Variants in PTPRT observed in about 807,000 individuals in gnomAD.
PTPRT encodes the protein protein tyrosine phosphatase receptor type T.
Under a neutral mutation model 176.8 loss-of-function variants are expected in PTPRT, and 56 were observed. That is an observed-to-expected ratio of 0.32 (90% CI 0.26 to 0.40). The LOEUF (loss-of-function observed/expected upper bound fraction) is 0.40. PTPRT is among the 10% of genes least tolerant of loss of function. The pLI, the probability that PTPRT is intolerant of heterozygous loss-of-function variation, is 1.00. For missense variants in PTPRT, 1,540 were observed against 1,908.2 expected (o/e 0.81, Z 3.60); for synonymous variants, 783 against 739.0 (o/e 1.06, Z -0.96).
chr20:43,116,747 T>C (rs183666829), intron 1 of PTPRT, among the ~76,000 whole-genome samples: 1 of 152,302 alleles, frequency 6.6e-6, no homozygotes, highest in African/African-American at 2.4e-5. Context: ...GTACTTCTAA[T>C]GGTAGGGAAT....
At chr20:42,692,148 C>T (rs1163268049) in intron 6 of PTPRT, among the ~76,000 whole-genome samples, 3 of 152,164 alleles carry the variant, frequency 2.0e-5, no homozygotes, top group African/African-American at 7.2e-5. Flanking sequence ...ATCACCTTTA[C>T]ACAAATTATT....
chr20:43,083,321 T>C (rs1330596049), intron 1 of PTPRT, among the ~76,000 whole-genome samples: 3 of 11,428 alleles, frequency 2.6e-4, no homozygotes, highest in Non-Finnish European at 4.6e-4. Context: ...ACTTCAAATG[T>C]ATATATATAT....
chr20:42,383,837 C>T (rs1362289232), intron 9 of PTPRT, among the ~76,000 whole-genome samples: 9 of 152,120 alleles, frequency 5.9e-5, no homozygotes, highest in East Asian at 3.9e-4. Context: ...TGGTGAGTGA[C>T]GCAGACTTTA....
chr20:42,333,861 A>C (rs186221698), intron 11 of PTPRT, among the ~76,000 whole-genome samples: 100 of 151,966 alleles, frequency 6.6e-4, no homozygotes, highest in Non-Finnish European at 1.3e-3. Context: ...TTGTATTTTT[A>C]GTACAGATGG....
At chr20:42,615,092 C>G (rs543767133) in intron 7 of PTPRT, among the ~76,000 whole-genome samples, 6 of 99,244 alleles carry the variant, frequency 6.0e-5, no homozygotes, top group Non-Finnish European at 9.7e-5. Flanking sequence ...CCCCCTCCCC[C>G]CACCCCACCA....
At chr20:42,447,734 A>G (rs2070757530) in intron 9 of PTPRT, among the ~76,000 whole-genome samples, 1 of 152,164 alleles carries the variant, frequency 6.6e-6, no homozygotes, top group South Asian at 2.1e-4. Context: ...TTTGGATGCC[A>G]TCACCTGGGT....
chr20:42,157,098 G>T (rs1989388976), intron 17 of PTPRT, among the ~76,000 whole-genome samples: 1 of 151,960 alleles, frequency 6.6e-6, no homozygotes, highest in Non-Finnish European at 1.5e-5. Flanking sequence ...TGCCACCCTG[G>T]CCTCTTTGCA....
intron 25 of PTPRT, among the ~76,000 whole-genome samples, chr20:42,104,025 T>G (rs1986190336): frequency 6.6e-6 from 1 of 152,240 alleles, no homozygotes; most frequent in Admixed American, 6.5e-5. Flanking sequence ...TTGGTTGGGT[T>G]ACTGTTACGG....
At chr20:42,413,849 A>G (rs568235983) in intron 9 of PTPRT, among the ~76,000 whole-genome samples, 3 of 152,156 alleles carry the variant, frequency 2.0e-5, no homozygotes, top group East Asian at 1.9e-4. Context: ...CCACGAGAGT[A>G]GAGACTTTAT....
At chr20:42,357,929 A>G (rs966424075) in intron 9 of PTPRT, among the ~76,000 whole-genome samples, 2 of 152,128 alleles carry the variant, frequency 1.3e-5, no homozygotes, top group African/African-American at 4.8e-5. Flanking sequence ...AAGCAAGCAA[A>G]CAAACAAACA....
chr20:42,323,329 T>C lies in PTPRT; in HGVS notation c.1866-7333A>G, dbSNP rs1041319411. ...TGCACACATATGTTTATTGCGGCAC[T>C]ATTCACAATAGCAAAGACTCGGAAC... On this transcript the variant is annotated intron_variant, in intron 11 of 30. Transcript: ENST00000373187. Among the ~76,000 whole-genome samples the C allele has an allele frequency of 5.3e-5, 8 of 152,210 alleles. No homozygotes were observed. The East Asian group carries it at 1.5e-3, about 29-fold the overall frequency.
At chr20:42,821,979 A>G (rs1411980884) in intron 2 of PTPRT, among the ~76,000 whole-genome samples, 1 of 152,242 alleles carries the variant, frequency 6.6e-6, no homozygotes, top group Non-Finnish European at 1.5e-5. Context: ...AAATGGCCAT[A>G]ATGCCCAAAG....
At chr20:42,053,820 G>C in the PTPRT span, among the ~76,000 whole-genome samples, 1,550 of 152,336 alleles carry the variant, frequency 0.01, 32 homozygotes, top group African/African-American at 0.036. Context: ...GCCAGCTCCT[G>C]TTCTGGTATT....
At chr20:42,153,197 A>G (rs1197196403) in intron 17 of PTPRT, among the ~76,000 whole-genome samples, 1 of 152,244 alleles carries the variant, frequency 6.6e-6, no homozygotes, top group African/African-American at 2.4e-5. Flanking sequence ...TTAAAGCAGC[A>G]TCTTTATTTT....
At chr20:42,738,999 T>C (rs939612504) in intron 6 of PTPRT, among the ~76,000 whole-genome samples, 1 of 151,860 alleles carries the variant, frequency 6.6e-6, no homozygotes, top group East Asian at 1.9e-4. Flanking sequence ...GCCTGGGAGG[T>C]TGAAGCTGCA....
At chr20:43,170,666 AC>A (rs2014974806) in intron 1 of PTPRT, among the ~76,000 whole-genome samples, 1 of 152,072 alleles carries the variant, frequency 6.6e-6, no homozygotes, top group Admixed American at 6.5e-5. Flanking sequence ...AATCTTCATA[AC>A]CCCCTGCCAG....
chr20:43,137,451 G>T (rs1421002019), intron 1 of PTPRT, among the ~76,000 whole-genome samples: 4 of 152,188 alleles, frequency 2.6e-5, no homozygotes, highest in Admixed American at 1.3e-4. Context: ...CATACGAACT[G>T]CAAGCCTTAA....
intron 1 of PTPRT, among the ~76,000 whole-genome samples, chr20:43,047,330 T>A (rs1986876531): frequency 6.6e-6 from 1 of 152,140 alleles, no homozygotes; most frequent in South Asian, 2.1e-4. Flanking sequence ...TATAGGCCAT[T>A]TAGTTCTTTT....
At chr20:43,110,894 T>C (rs916154485) in intron 1 of PTPRT, among the ~76,000 whole-genome samples, 4 of 152,160 alleles carry the variant, frequency 2.6e-5, no homozygotes, top group Non-Finnish European at 5.9e-5. Context: ...ACTCTTATGC[T>C]AGCTCCAGGG....
Sources: gnomAD v4.1 joint callset for allele counts (sites outside exome capture counted in the v4.1 genomes callset) on GRCh38, gnomAD v4.1.1 for gene constraint, MANE v1.5 for transcripts, NCBI Gene and HGNC (gene_info 2026-07-23, HGNC 2026-07-21) for gene names.